Variants in PDCD2L observed in about 807,000 individuals in gnomAD.
PDCD2L encodes uS5 assembly chaperone PDCD2L.
PDCD2L carries 44 observed loss-of-function variants against 40.4 expected under a neutral mutation model. The observed-to-expected ratio is 1.09, with a 90% confidence interval of 0.86 to 1.40. The LOEUF (loss-of-function observed/expected upper bound fraction) is 1.40, where lower values mean the gene tolerates loss of function less well. Ranked by LOEUF, PDCD2L falls within the 40% of genes most tolerant of loss-of-function variation. The pLI, the probability that PDCD2L is intolerant of heterozygous loss-of-function variation, is 0.00. For synonymous variants in PDCD2L, 194 were observed against 174.6 expected, an observed-to-expected ratio of 1.11 and a Z score of -0.88; for missense variants, 470 against 453.7, an observed-to-expected ratio of 1.04 and a Z score of -0.33.
At chr19:34,421,251 C>G (rs1432940445) in intron 5 of PDCD2L, among the ~76,000 whole-genome samples, 1 of 152,168 alleles carries the variant, frequency 6.6e-6, no homozygotes, top group African/African-American at 2.4e-5. Flanking sequence ...AGGGCTGATT[C>G]CATTTAATCT....
intron 6 of PDCD2L, among the ~76,000 whole-genome samples, chr19:34,422,880 T>A (rs910929329): frequency 1.3e-5 from 2 of 151,934 alleles, no homozygotes; most frequent in Non-Finnish European, 2.9e-5. Context: ...CAAGCCCAGC[T>A]AATTTTTTTT....
intron 5 of PDCD2L, 164 bp from the exon 6 acceptor site, chr19:34,421,355 C>G (rs2075149872): frequency 1.3e-6 from 1 of 767,396 alleles, no homozygotes; most frequent in Non-Finnish European, 2.1e-6. Flanking sequence ...CGAACACTGA[C>G]AAGATTTCCA....
At chr19:34,411,996 A>T (rs1233382786) in intron 4 of PDCD2L, among the ~76,000 whole-genome samples, 2 of 145,086 alleles carry the variant, frequency 1.4e-5, no homozygotes, top group African/African-American at 5.0e-5. Flanking sequence ...AATAAATAAT[A>T]AAATATATAT....
chr19:34,405,179 C>T, intron 3 of PDCD2L, among the ~76,000 whole-genome samples, 189 bp downstream of exon 3: 2 of 130,022 alleles, frequency 1.5e-5, no homozygotes. Flanking sequence ...CGGAGTTTCG[C>T]TCTGTCGCCC....
intron 4 of PDCD2L, among the ~76,000 whole-genome samples, chr19:34,411,162 CTTTTTTTTTT>C (rs766712244): frequency 4.9e-5 from 3 of 61,770 alleles, no homozygotes; most frequent in African/African-American, 1.7e-4. Context: ...GAGTATTCTT[CTTTTTTTTTT>C]TTTTTTTTTT....
rs2075092172 is a variant in PDCD2L, at chr19:34,409,403, A to G, written c.579A>G (p.Ala193=). 1 of 1,614,196 alleles carries G rather than the reference A, an allele frequency of 6.2e-7. No homozygotes were observed. ...PLFLPYYICV[A]DEDDYRDFVN... ...TCCTGCCCTACTACATCTGTGTTGC[A>G]GATGAGGATGATTACAGGGACTTTG... is the stretch of plus-strand genomic sequence containing the variant. The change falls in exon 4 of 7, where the codon GCA becomes GCG. Residue 193 remains alanine, a synonymous_variant. Coordinates refer to ENST00000246535, the MANE Select transcript of PDCD2L (RefSeq NM_032346.2).
At chr19:34,405,022 T>C (rs1311038172) in intron 3 of PDCD2L, 32 bp downstream of exon 3, 2 of 1,612,484 alleles carry the variant, frequency 1.2e-6, no homozygotes, top group South Asian at 1.1e-5. Context: ...TTATTGTTTT[T>C]CTGTCATTTG....
intron 5 of PDCD2L, among the ~76,000 whole-genome samples, chr19:34,414,908 C>T (rs539004126): frequency 6.6e-6 from 1 of 151,572 alleles, no homozygotes; most frequent in African/African-American, 2.4e-5. Context: ...TGGGCTCAAT[C>T]GATCCTCCCA....
chr19:34,409,229 G>T lies in PDCD2L; in HGVS notation c.405G>T (p.Glu135Asp). Residue 135 changes from glutamate to aspartate, a missense_variant, in exon 4 of 7, where the codon GAG (glutamate) becomes GAT (aspartate). Coordinates refer to ENST00000246535, the MANE Select transcript of PDCD2L (RefSeq NM_032346.2). ...EGADDWGSDT[E>D]EGPSPQFTLD... ...CTGATGACTGGGGAAGTGATACTGA[G>T]GAGGGGCCTTCACCACAGTTTACCT... 6.2e-7 allele frequency: 1 copy of T among 1,614,242 alleles called. No homozygotes were observed. Among genetic ancestry groups the T allele is most frequent in the Non-Finnish European group, 8.5e-7 (1 of 1,180,046 alleles).
At chr19:34,417,528 A>G (rs1409553975) in intron 5 of PDCD2L, among the ~76,000 whole-genome samples, 1 of 152,108 alleles carries the variant, frequency 6.6e-6, no homozygotes, top group Non-Finnish European at 1.5e-5. Context: ...GAATTGCTTG[A>G]ACCTGGCAGG....
At chr19:34,419,631 C>T (rs1034314530) in intron 5 of PDCD2L, among the ~76,000 whole-genome samples, 2 of 151,868 alleles carry the variant, frequency 1.3e-5, no homozygotes, top group Non-Finnish European at 2.9e-5. Context: ...CATCTGTCAC[C>T]ACACCTGACT....
rs535992380 is a variant in PDCD2L at position 34,410,847 on chromosome 19, C to T, written c.686+1337C>T. Among the ~76,000 whole-genome samples the T allele has an allele frequency of 4.7e-5, 7 of 150,196 alleles. No homozygotes were observed. In the East Asian group the frequency reaches 5.9e-4, roughly 13 times the overall value. ...CTTGCCAGGCTGGAGTGCAGTGGTG[C>T]GATCTCGGCTCACTGCAACCTCCCC... On this transcript the variant is annotated intron_variant, in intron 4 of 6. Transcript: ENST00000246535.
At chr19:34,413,616 C>T (rs759684988) in intron 4 of PDCD2L, 121 bp from the exon 5 acceptor site, 35 of 542,142 alleles carry the variant, frequency 6.5e-5, no homozygotes, top group Admixed American at 1.3e-4. Context: ...AGATTACAGG[C>T]GTGAGCCACT....
At chr19:34,404,609 G>C (rs769551016) in intron 1 of PDCD2L, 40 bp from the exon 2 acceptor site, 1 of 1,599,506 alleles carries the variant, frequency 6.3e-7, no homozygotes, top group Non-Finnish European at 8.5e-7. Flanking sequence ...GCGAGGTCCT[G>C]GGGGGAGTCG....
chr19:34,420,210 C>T (rs529503034), intron 5 of PDCD2L, among the ~76,000 whole-genome samples: 15 of 151,786 alleles, frequency 9.9e-5, no homozygotes, highest in Non-Finnish European at 1.9e-4. Flanking sequence ...AAGCTGATCT[C>T]GAACTCCTGT....
At chr19:34,409,945 G>A (rs1209927624) in intron 4 of PDCD2L, among the ~76,000 whole-genome samples, 3 of 152,178 alleles carry the variant, frequency 2.0e-5, no homozygotes, top group Non-Finnish European at 2.9e-5. Flanking sequence ...GGACCTCAGA[G>A]ATGCTTTCAG....
At position 34,404,473 on chromosome 19, in the gene PDCD2L, G is replaced by T. The variant is rs1366094170; in HGVS notation, c.43G>T (p.Ala15Ser). The T allele has an allele frequency of 6.5e-7, 1 of 1,544,488 alleles. No homozygotes were observed. The highest frequency in any genetic ancestry group is 1.2e-5 in the South Asian group (1 of 83,954). The change falls in exon 1 of 7, where the codon GCG becomes TCG. Residue 15 changes from alanine to serine, a missense_variant. Coordinates refer to ENST00000246535, the MANE Select transcript of PDCD2L (RefSeq NM_032346.2). ...GCCGGTGCTGCTGGGCCTTCGAGAT[G>T]CGCCGGTGCACGGCAGCCCCACAGG... ...LKPVLLGLRD[A>S]PVHGSPTGPG... is the part of the protein sequence containing the mutation.
At chr19:34,420,434 T>G (rs1289027086) in intron 5 of PDCD2L, among the ~76,000 whole-genome samples, 3 of 152,112 alleles carry the variant, frequency 2.0e-5, no homozygotes, top group East Asian at 1.9e-4. Context: ...TTTTCCTGCT[T>G]CTTTGCATGT....
At chr19:34,420,075 C>G (rs1321819139) in intron 5 of PDCD2L, among the ~76,000 whole-genome samples, 1 of 152,054 alleles carries the variant, frequency 6.6e-6, no homozygotes, top group Non-Finnish European at 1.5e-5. Context: ...ACCTCTGCCT[C>G]CCAGGTTTAA....
Sources: gnomAD v4.1 joint callset for allele counts (sites outside exome capture counted in the v4.1 genomes callset) on GRCh38, gnomAD v4.1.1 for gene constraint, MANE v1.5 for transcripts, NCBI Gene and HGNC (gene_info 2026-07-23, HGNC 2026-07-21) for gene names.